Variants in CCDC60 observed in about 807,000 individuals in gnomAD.
The protein encoded by CCDC60 is coiled-coil domain-containing protein 60.
In CCDC60, 54 loss-of-function variants were observed where a neutral mutation model predicts 63.5. The ratio of observed to expected loss-of-function variants is 0.85; its 90% CI spans 0.68 to 1.07. The LOEUF is 1.07. Among genes scored for constraint, CCDC60 ranks in the 50% least tolerant of loss-of-function variants. CCDC60 has a pLI of 0.00. For synonymous variants in CCDC60, 206 were observed against 238.8 expected, an observed-to-expected ratio of 0.86 and a Z score of 1.27; for missense variants, 651 against 684.3, an observed-to-expected ratio of 0.95 and a Z score of 0.54.
intron 1 of CCDC60, among the ~76,000 whole-genome samples, chr12:119,355,316 A>G (rs1164937207): frequency 1.3e-5 from 2 of 152,108 alleles, no homozygotes; most frequent in Non-Finnish European, 2.9e-5. Flanking sequence ...ACAGATTAGG[A>G]AGTTCCTCCC....
chr12:119,536,126 T>C (rs1389394823), intron 13 of CCDC60, among the ~76,000 whole-genome samples: 7 of 152,232 alleles, frequency 4.6e-5, no homozygotes. Flanking sequence ...ATATTTAGGA[T>C]AGTTAGCTCT....
intron 1 of CCDC60, among the ~76,000 whole-genome samples, chr12:119,407,663 C>T (rs924448976): frequency 1.3e-5 from 2 of 152,218 alleles, no homozygotes; most frequent in African/African-American, 4.8e-5. Context: ...GTAGTTTCTT[C>T]ACTTAATGAT....
intron 2 of CCDC60, among the ~76,000 whole-genome samples, chr12:119,460,634 A>G (rs1269306539): frequency 6.6e-6 from 1 of 152,064 alleles, no homozygotes; most frequent in East Asian, 1.9e-4. Context: ...ATGTCTTCTC[A>G]CTCTTCTGGG....
chr12:119,473,335 T>A (rs1951104343), intron 3 of CCDC60, among the ~76,000 whole-genome samples: 1 of 152,232 alleles, frequency 6.6e-6, no homozygotes, highest in African/African-American at 2.4e-5. Flanking sequence ...GCCACTCTCC[T>A]GTGAGCGCAG....
chr12:119,469,964 C>T lies in CCDC60; in HGVS notation c.171-2030C>T, dbSNP rs145353443. Reference sequence around the variant, plus strand: ...TTTGCAGATTCCTGAAGCATTTTTACGTACAGTCCAAGCAATTCCCAAATC... The same window carrying T: ...TTTGCAGATTCCTGAAGCATTTTTATGTACAGTCCAAGCAATTCCCAAATC... On this transcript the variant is annotated intron_variant, in intron 2 of 13. Coordinates refer to ENST00000327554, the MANE Select transcript of CCDC60 (RefSeq NM_178499.5). Among the ~76,000 whole-genome samples the T allele has an allele frequency of 6.4e-4, 97 of 152,312 alleles. 2 individuals are homozygous for T. In the East Asian group the frequency reaches 0.017, roughly 27 times the overall value.
intron 1 of CCDC60, among the ~76,000 whole-genome samples, chr12:119,421,355 C>T (rs951772568): frequency 1.3e-5 from 2 of 152,134 alleles, no homozygotes; most frequent in East Asian, 1.9e-4. Context: ...CAATAGCTAG[C>T]AACCGCTACC....
chr12:119,350,485 G>A (rs999221474), intron 1 of CCDC60, among the ~76,000 whole-genome samples: 3 of 151,836 alleles, frequency 2.0e-5, no homozygotes, highest in South Asian at 2.1e-4. Context: ...TGCCTGCCTC[G>A]GCCTCCCAAA....
In CCDC60 at chr12:119,456,056, A is replaced by AAGCAAGCAAGCAAGC. The variant is rs1566019597; in HGVS notation, c.171-15937_171-15936insGCAAGCAAGCAAGCA. On this transcript the variant is annotated intron_variant, in intron 2 of 13. Coordinates refer to ENST00000327554, the MANE Select transcript of CCDC60 (RefSeq NM_178499.5). This position sits in a 1 kb window ranked among gnomAD's most constrained non-coding sequence, Gnocchi z 4.6. ...GAAAGAAAGAAAGAAAGAAAGAAAG[A>AAGCAAGCAAGCAAGC]AAGAAAGCAAGCAAGCATGTGCAAT... Among the ~76,000 whole-genome samples the AAGCAAGCAAGCAAGC allele has an allele frequency of 1.4e-3, 131 of 96,870 alleles. 6 individuals carry two copies. The highest frequency in any genetic ancestry group is 8.5e-3 in the East Asian group (18 of 2,124). 63.6% of individuals were successfully genotyped at this position (96,870 alleles called of 152,430 possible). A position where few individuals can be genotyped will look rare whatever the true frequency, so the allele number is the denominator to read the frequency against.
chr12:119,524,805 C>A (rs1312321018), intron 11 of CCDC60, among the ~76,000 whole-genome samples: 1 of 145,256 alleles, frequency 6.9e-6, no homozygotes, highest in Non-Finnish European at 1.5e-5. Flanking sequence ...TTACTGCAGC[C>A]TCGAGTGATA....
chr12:119,460,467 T>C (rs1272326422), intron 2 of CCDC60, among the ~76,000 whole-genome samples: 1 of 152,246 alleles, frequency 6.6e-6, no homozygotes, highest in Admixed American at 6.5e-5. Context: ...AAAATAATGG[T>C]GCATTTTACA....
chr12:119,527,953 T>C (rs1294138834), intron 11 of CCDC60, among the ~76,000 whole-genome samples: 1 of 151,894 alleles, frequency 6.6e-6, no homozygotes, highest in African/African-American at 2.4e-5. Flanking sequence ...ATTACAGGCA[T>C]GATCCACTGC....
intron 1 of CCDC60, among the ~76,000 whole-genome samples, chr12:119,345,279 G>A (rs529131497): frequency 6.6e-5 from 10 of 152,214 alleles, no homozygotes; most frequent in South Asian, 4.1e-4. Flanking sequence ...CAAAGCAGGC[G>A]GATCATGAGG....
chr12:119,505,373 T>G, intron 7 of CCDC60, 70 bp downstream of exon 7: 1 of 1,031,442 alleles, frequency 9.7e-7, no homozygotes, highest in Non-Finnish European at 1.5e-6. Flanking sequence ...CAAGAAACCC[T>G]CCTGCCTCAA....
At chr12:119,499,142 T>C (rs906334567) in intron 5 of CCDC60, among the ~76,000 whole-genome samples, 1 of 152,220 alleles carries the variant, frequency 6.6e-6, no homozygotes, top group Non-Finnish European at 1.5e-5. Flanking sequence ...GCAGCATGTT[T>C]CCTTTCCAAA....
intron 1 of CCDC60, among the ~76,000 whole-genome samples, chr12:119,388,535 T>A (rs1183027195): frequency 2.0e-5 from 3 of 152,242 alleles, no homozygotes; most frequent in Non-Finnish European, 2.9e-5. Flanking sequence ...ATTGTCAAGA[T>A]TGAGGATCAT....
At chr12:119,524,836 T>C (rs1952643553) in intron 11 of CCDC60, among the ~76,000 whole-genome samples, 1 of 151,158 alleles carries the variant, frequency 6.6e-6, no homozygotes, top group South Asian at 2.1e-4. Context: ...TTTTTGGTTT[T>C]TGGGGTATTT....
chr12:119,422,048 A>C (rs1956822870), intron 1 of CCDC60, among the ~76,000 whole-genome samples: 1 of 152,148 alleles, frequency 6.6e-6, no homozygotes, highest in South Asian at 2.1e-4. Flanking sequence ...GTTTCTGACG[A>C]TCTTGCTCTC....
rs866139525 is a variant in CCDC60, at chr12:119,519,438, C to T, written c.969-683C>T. ...GTGTGTGTGTGTGTGTGTGTGTGCG[C>T]GTGTGTGTGTGTGTATATATATATA... On this transcript the variant is annotated intron_variant, in intron 8 of 13. Coordinates refer to ENST00000327554, the MANE Select transcript of CCDC60 (RefSeq NM_178499.5). 8.2e-4 allele frequency among the ~76,000 whole-genome samples: 68 copies of T among 83,396 alleles called. 1 individual carries two copies. The highest frequency in any genetic ancestry group is 2.9e-3 in the Admixed American group (24 of 8,224). 54.7% of individuals were successfully genotyped at this position (83,396 alleles called of 152,430 possible).
intron 1 of CCDC60, among the ~76,000 whole-genome samples, chr12:119,348,175 T>G (rs1190690383): frequency 6.6e-6 from 1 of 152,190 alleles, no homozygotes; most frequent in Non-Finnish European, 1.5e-5. Context: ...AAGAGGCTCC[T>G]CAAAACTCAG....
Sources: gnomAD v4.1 joint callset for allele counts (sites outside exome capture counted in the v4.1 genomes callset) on GRCh38, gnomAD v4.1.1 for gene constraint, Gnocchi (gnomAD v3.1) non-coding constraint, MANE v1.5 for transcripts, NCBI Gene and HGNC (gene_info 2026-07-23, HGNC 2026-07-21) for gene names.